The following AIPL1 variants were observed in gnomAD, a reference collection of about 807,000 sequenced individuals.
The protein encoded by AIPL1 is aryl-hydrocarbon-interacting protein-like 1.
Under a neutral mutation model 32.9 loss-of-function variants are expected in AIPL1, and 23 were observed. The observed-to-expected ratio is 0.70, with a 90% CI of 0.50 to 0.99. The LOEUF is 0.99. Ranked by LOEUF, AIPL1 falls within the 50% of genes least tolerant of loss-of-function variation. The pLI is 0.00. For missense variants in AIPL1, 485 were observed against 506.0 expected, an observed-to-expected ratio of 0.96 and a Z score of 0.40; for synonymous variants, 210 against 209.4, an observed-to-expected ratio of 1.00 and a Z score of -0.02.
intron 5 of AIPL1, 147 bp from the exon 6 acceptor site, chr17:6,425,977 AC>A: frequency 8.5e-7 from 1 of 1,174,554 alleles, no homozygotes; most frequent in Non-Finnish European, 1.2e-6. Flanking sequence ...GGTTTCCTCA[AC>A]TGTAAGATGG....
chr17:6,431,669 G>T (rs1030325607), intron 2 of AIPL1, among the ~76,000 whole-genome samples: 5 of 152,120 alleles, frequency 3.3e-5, no homozygotes, highest in Non-Finnish European at 5.9e-5. Flanking sequence ...AGTTCAAATT[G>T]TCCCCAAAAT....
chr17:6,429,577 C>T (rs888473411), intron 2 of AIPL1, among the ~76,000 whole-genome samples: 7 of 152,334 alleles, frequency 4.6e-5, no homozygotes, highest in Admixed American at 6.5e-5. Context: ...GCCCCCAGCT[C>T]GGCACCCCAT....
rs368845643 is a variant in AIPL1 at position 6,426,941 on chromosome 17, G to C, written c.582C>G (p.Tyr194Ter). The change falls in exon 4 of 6, where the codon TAC becomes TAG. Residue 194 changes from tyrosine (Y) to a stop codon, truncating the protein, a stop_gained. Transcript: ENST00000381129. LOFTEE classifies it high-confidence loss of function. Reference sequence around the variant, plus strand: ...CCTGGTACTTGGAAGAGGCCTCCTCGTAGCGGCCCAGCTTGAAGAGCCGAT... The same window carrying C: ...CCTGGTACTTGGAAGAGGCCTCCTCCTAGCGGCCCAGCTTGAAGAGCCGAT... ...EGNRLFKLGR[Y>*]EEASSKYQEA... The C allele has an allele frequency of 1.9e-6, 3 of 1,614,214 alleles. No homozygotes were observed. Among genetic ancestry groups the C allele is most frequent in the Non-Finnish European group, 2.5e-6 (3 of 1,180,042 alleles).
chr17:6,427,596 A>G (rs911173314), intron 3 of AIPL1, among the ~76,000 whole-genome samples: 2 of 151,984 alleles, frequency 1.3e-5, no homozygotes, highest in African/African-American at 2.4e-5. Context: ...CAATCCACAA[A>G]CACGCGCTGC....
chr17:6,425,784 C>T lies in AIPL1; in HGVS notation c.831G>A (p.Val277=), dbSNP rs1325579848. Residue 277 remains valine (V), a synonymous_variant, in exon 6 of 6, where the codon GTG becomes GTA. Transcript: ENST00000381129. ...CCGCCTTGGCCTCGGCCTCATTCCA[C>T]ACCTCTGCGTGAGCCCGGGCACGCA... ...YYVRARAHAE[V]WNEAEAKADL... The T allele has an allele frequency of 1.2e-6, 2 of 1,606,334 alleles. No homozygotes were observed. The highest frequency in any genetic ancestry group is 1.1e-5 in the South Asian group (1 of 91,074).
chr17:6,428,128 C>A (rs1408973467), intron 3 of AIPL1, among the ~76,000 whole-genome samples, 190 bp downstream of exon 3: 1 of 152,208 alleles, frequency 6.6e-6, no homozygotes, highest in Admixed American at 6.5e-5. Context: ...CACCAAAGGA[C>A]TTTTCTTGTG....
intron 2 of AIPL1, among the ~76,000 whole-genome samples, chr17:6,429,335 G>T (rs558138412): frequency 6.6e-6 from 1 of 152,292 alleles, no homozygotes; most frequent in South Asian, 2.1e-4. Flanking sequence ...GAAGTGAAGG[G>T]GCTGAAACTC....
At position 6,426,913 on chromosome 17, in the gene AIPL1, C is replaced by T. The variant is rs1284640342; in HGVS notation, c.610G>A (p.Ala204Thr). Residue 204 changes from alanine (A) to threonine (T), a missense_variant, in exon 4 of 6, where the codon GCC (alanine) becomes ACC (threonine). Ala to Thr is a moderately conservative substitution (Grantham distance 58, BLOSUM62 0). Coordinates refer to ENST00000381129, the MANE Select transcript of AIPL1 (RefSeq NM_014336.5). ...TGCAGGTTCCTTAGGCAGATGATGG[C>T]CTCCTGGTACTTGGAAGAGGCCTCC... ...YEEASSKYQE[A>T]IICLRNLQTK... The T allele has an allele frequency of 1.2e-6, 2 of 1,614,100 alleles. No homozygotes were observed. Among genetic ancestry groups the T allele is most frequent in the Non-Finnish European group, 1.7e-6 (2 of 1,180,056 alleles).
chr17:6,425,802 G>A lies in AIPL1; in HGVS notation c.813C>T (p.Ala271=), dbSNP rs776640481. The A allele has an allele frequency of 1.1e-5, 18 of 1,605,212 alleles. No individual in the cohort carries two copies. The East Asian group carries it at 4.0e-4, about 36-fold the overall frequency. The stretch of plus-strand genomic sequence containing the variant: ...CATTCCACACCTCTGCGTGAGCCCG[G>A]GCACGCACGTAGTAGGCCTTCACGA... ...PGIVKAYYVR[A]RAHAEVWNEA... is the part of the protein sequence containing the mutation. Residue 271 remains alanine, a synonymous_variant, in exon 6 of 6, where the codon GCC becomes GCT. Coordinates refer to ENST00000381129, the MANE Select transcript of AIPL1 (RefSeq NM_014336.5).
chr17:6,434,789 A>G (rs769909714), intron 1 of AIPL1, among the ~76,000 whole-genome samples: 8 of 152,222 alleles, frequency 5.3e-5, no homozygotes, highest in Non-Finnish European at 1.0e-4. Flanking sequence ...GAAAATTCCC[A>G]AAAGCCCTTC....
Position 6,425,356 on chromosome 17 carries a change from A to G in AIPL1, c.*104T>C. The G allele has an allele frequency of 7.2e-7, 1 of 1,381,054 alleles. No individual in the cohort carries two copies. The highest frequency in any genetic ancestry group is 1.6e-5 in the South Asian group (1 of 62,060). 85.5% of individuals were successfully genotyped at this position (1,381,054 alleles called of 1,614,324 possible). ...GGTGTGTCTGACTTTGATTTCAAAA[A>G]TTAATTTTAAATTTTAAAAAGTGAC... On this transcript the variant is annotated 3_prime_UTR_variant, in exon 6 of 6. Coordinates refer to ENST00000381129, the MANE Select transcript of AIPL1 (RefSeq NM_014336.5).
Position 6,426,710 on chromosome 17 carries a change from T to C in AIPL1, c.689A>G (p.Asn230Ser), listed in dbSNP as rs866980715. ...VQWLKLEKMI[N>S]TLILNYCQCL... ...CTGGCAGTAGTTGAGGATCAGAGTATTGATCATCTTCTCCAGCTTCAGCCA... is the reference window on the plus strand; with the variant it reads ...CTGGCAGTAGTTGAGGATCAGAGTACTGATCATCTTCTCCAGCTTCAGCCA... The change falls in exon 5 of 6, where the codon AAT (asparagine) becomes AGT (serine). Residue 230 changes from asparagine to serine, a missense_variant. Physicochemically the swap from Asn to Ser is conservative, Grantham distance 46. Transcript: ENST00000381129. 6.2e-7 allele frequency: 1 copy of C among 1,614,174 alleles called. No individual in the cohort carries two copies. Among genetic ancestry groups the C allele is most frequent in the Non-Finnish European group, 8.5e-7 (1 of 1,180,034 alleles).
chr17:6,426,388 C>A (rs1378133964), intron 5 of AIPL1: 2 of 1,424,584 alleles, frequency 1.4e-6, no homozygotes, highest in Middle Eastern at 2.6e-4. Context: ...TGGCGAGCTT[C>A]CTGGGTAAGT....
intron 2 of AIPL1, 119 bp downstream of exon 2, chr17:6,433,800 C>A: frequency 1.6e-6 from 2 of 1,286,268 alleles, no homozygotes; most frequent in East Asian, 5.0e-5. Flanking sequence ...GTTTGCAGGA[C>A]TGGCTTTGCA....
intron 2 of AIPL1, among the ~76,000 whole-genome samples, chr17:6,430,203 C>A (rs1912454020): frequency 6.6e-6 from 1 of 152,014 alleles, no homozygotes; most frequent in Non-Finnish European, 1.5e-5. Context: ...TGCCTGTAAT[C>A]CCGGCACTTT....
chr17:6,430,173 C>T (rs1481917167), intron 2 of AIPL1, among the ~76,000 whole-genome samples: 1 of 151,786 alleles, frequency 6.6e-6, no homozygotes, highest in African/African-American at 2.4e-5. Context: ...CCCATAGTTA[C>T]CATGGGGAGC....
Position 6,433,909 on chromosome 17 carries a change from G to T in AIPL1, c.276+10C>A. 1 of 1,594,420 alleles carries T rather than the reference G, an allele frequency of 6.3e-7. No individual in the cohort carries two copies. The stretch of plus-strand genomic sequence containing the variant: ...TAGTCCCAGGAGACAGGCGCGCAGG[G>T]CCTACTTACGATGGTGTCGCACCAG... On this transcript the variant is annotated intron_variant, in intron 2 of 5. Transcript: ENST00000381129.
chr17:6,433,809 C>A, intron 2 of AIPL1, 110 bp downstream of exon 2: 2 of 1,384,414 alleles, frequency 1.4e-6, no homozygotes, highest in Middle Eastern at 2.5e-4. Context: ...ACTGGCTTTG[C>A]AAAGCTTCGC....
intron 2 of AIPL1, among the ~76,000 whole-genome samples, chr17:6,430,697 GA>G (rs1245748659): frequency 1.3e-5 from 2 of 152,178 alleles, no homozygotes; most frequent in Non-Finnish European, 2.9e-5. Flanking sequence ...ATCTTATGGA[GA>G]GGGGGCTCTT....
Sources: gnomAD v4.1 joint callset for allele counts (sites outside exome capture counted in the v4.1 genomes callset) on GRCh38, gnomAD v4.1.1 for gene constraint, MANE v1.5 for transcripts, NCBI Gene and HGNC (gene_info 2026-07-23, HGNC 2026-07-21) for gene names.